GTF3C2: variants seen among roughly 807,000 people sequenced by gnomAD.
GTF3C2 encodes the protein general transcription factor IIIC subunit 2, also known as general transcription factor 3C polypeptide 2.
Under a neutral mutation model 117.4 loss-of-function variants are expected in GTF3C2, and 17 were observed. That is an observed-to-expected ratio of 0.14 (90% CI 0.10 to 0.22). The LOEUF (loss-of-function observed/expected upper bound fraction) is 0.22. Among genes scored for constraint, GTF3C2 ranks in the 10% least tolerant of loss-of-function variants. The pLI is 1.00. For synonymous variants in GTF3C2, 437 were observed against 427.0 expected, an observed-to-expected ratio of 1.02 and a Z score of -0.29; for missense variants, 888 against 1,143.6, an observed-to-expected ratio of 0.78 and a Z score of 3.22.
At chr2:27,327,776 C>T (rs1303162262) in intron 17 of GTF3C2, among the ~76,000 whole-genome samples, 2 of 152,002 alleles carry the variant, frequency 1.3e-5, no homozygotes, top group Admixed American at 1.3e-4. Flanking sequence ...TACAGGCACG[C>T]GCCACCACGC....
At position 27,329,339 on chromosome 2, in the gene GTF3C2, A is replaced by T. The variant is rs1680201504; in HGVS notation, c.1877+40T>A. The T allele has an allele frequency of 6.2e-7, 1 of 1,613,798 alleles. No individual in the cohort carries two copies. Among genetic ancestry groups the T allele is most frequent in the Admixed American group, 1.7e-5 (1 of 59,996 alleles). ...ACAAATCCGGAAGTCAGCCTGTCCC[A>T]GTCTTCACCTTCCCCCTCCACATAC... is the stretch of plus-strand genomic sequence containing the variant. On this transcript the variant is annotated intron_variant, in intron 13 of 18. Coordinates refer to ENST00000264720, the Ensembl canonical transcript of GTF3C2. This position sits in a 1 kb window ranked among gnomAD's most constrained non-coding sequence, Gnocchi z 4.5.
At chr2:27,334,646 T>TG (rs1680395435) in intron 10 of GTF3C2, among the ~76,000 whole-genome samples, 1 of 130,950 alleles carries the variant, frequency 7.6e-6, no homozygotes, top group Non-Finnish European at 1.7e-5. Context: ...CACAGCGAAA[T>TG]TTTTTTTTTT....
chr2:27,330,304 CA>C (rs1184443444), intron 12 of GTF3C2, among the ~76,000 whole-genome samples: 1 of 149,228 alleles, frequency 6.7e-6, no homozygotes, highest in African/African-American at 2.5e-5. Context: ...ACTAAAAATA[CA>C]AAAAAAAATT....
At chr2:27,353,416 T>C (rs1681208480) in intron 1 of GTF3C2, among the ~76,000 whole-genome samples, 1 of 151,218 alleles carries the variant, frequency 6.6e-6, no homozygotes, top group East Asian at 2.0e-4. Flanking sequence ...CAACCATCTA[T>C]GGTTCAACTT....
chr2:27,328,944 A>C lies in GTF3C2; in HGVS notation c.2040-13T>G. The stretch of plus-strand genomic sequence containing the variant: ...ACAGAGTCCATAACTGTTAAAAGAG[A>C]AATAAATTTAAACCTTCCTTTTCTT... On this transcript the variant is annotated splice_polypyrimidine_tract_variant and intron_variant, in intron 14 of 18. Transcript: ENST00000264720. The C allele has an allele frequency of 6.4e-7, 1 of 1,558,718 alleles. No homozygotes were observed. The highest frequency in any genetic ancestry group is 1.4e-5 in the African/African-American group (1 of 73,742).
rs573018561 is a variant in GTF3C2 at position 27,341,934 on chromosome 2, T to C, written c.855+14A>G. The stretch of plus-strand genomic sequence containing the variant: ...TACTATGTCCCCATTCACTTTCTTG[T>C]CCATTGAGGTTACCCCTGAAGTAGA... On this transcript the variant is annotated intron_variant, in intron 4 of 18. Transcript: ENST00000264720. 1.4e-5 allele frequency: 23 copies of C among 1,608,012 alleles called. No homozygotes were observed. The highest frequency in any genetic ancestry group is 6.7e-5 in the Admixed American group (4 of 59,778).
At chr2:27,343,359 G>C (rs145909275) in exon 2 of GTF3C2, 2 of 1,613,858 alleles carry the variant, frequency 1.2e-6, no homozygotes, top group Non-Finnish European at 8.5e-7. Context: ...AGCCTCCTCT[G>C]ATCAGGAGAA....
exon 19 of GTF3C2, chr2:27,326,610 G>A (rs1235261103): frequency 2.5e-6 from 3 of 1,214,730 alleles, no homozygotes; most frequent in Non-Finnish European, 2.4e-6. Flanking sequence ...AGTTCCTATG[G>A]CTCTGTGCAT....
Position 27,337,275 on chromosome 2 carries a change from G to A in GTF3C2, c.1096C>T (p.Pro366Ser), listed in dbSNP as rs369941156. 79 of 1,612,392 alleles carry A rather than the reference G, an allele frequency of 4.9e-5. No homozygotes were observed. The African/African-American group carries it at 5.6e-4, about 11-fold the overall frequency. The change falls in exon 7 of 19, where the codon CCT (proline) becomes TCT (serine). Residue 366 changes from proline to serine, a missense_variant. Coordinates refer to ENST00000264720, the Ensembl canonical transcript of GTF3C2. ...ATTCGGTAGAGGGTGCCATCTTCAG[G>A]TAGCCCTTCACGTTGTACAGAAAAC... is the stretch of plus-strand genomic sequence containing the variant.
Position 27,329,026 on chromosome 2 carries a change from A to ACTCTCTACCCTC in GTF3C2, c.2039+83_2039+94dup. 6.7e-7 allele frequency: 1 copy of ACTCTCTACCCTC among 1,489,264 alleles called. No homozygotes were observed. Among genetic ancestry groups the ACTCTCTACCCTC allele is most frequent in the Non-Finnish European group, 9.4e-7 (1 of 1,069,084 alleles). The allele number at this position is 1,489,264 out of a possible 1,614,324, so 92.3% of individuals were successfully genotyped here. Reference sequence around the variant, plus strand: ...GAATTTAAACCACCTCAGTGAACCAACTCTCTACCCTCCTCTCCCCACAAC... The same window carrying ACTCTCTACCCTC: ...GAATTTAAACCACCTCAGTGAACCAACTCTCTACCCTCCTCTCTACCCTCCTCTCCCCACAAC... On this transcript the variant is annotated intron_variant, in intron 14 of 18. Transcript: ENST00000264720. This position sits in a 1 kb window ranked among gnomAD's most constrained non-coding sequence, Gnocchi z 4.5.
rs1680190398 is a variant in GTF3C2, at chr2:27,329,054, T to C, written c.2039+67A>G. 2 of 1,543,406 alleles carry C rather than the reference T, an allele frequency of 1.3e-6. No individual in the cohort carries two copies. The highest frequency in any genetic ancestry group is 1.8e-6 in the Non-Finnish European group (2 of 1,116,526). On this transcript the variant is annotated intron_variant, in intron 14 of 18. Transcript: ENST00000264720. The surrounding 1 kb of genome is among the most constrained non-coding windows in gnomAD (Gnocchi z 4.5). The stretch of plus-strand genomic sequence containing the variant: ...CTCTACCCTCCTCTCCCCACAACAA[T>C]CTGGCATGCTTTGCATTCCAACCCT...
Position 27,343,131 on chromosome 2 carries a change from C to G in GTF3C2, c.264G>C (p.Met88Ile), listed in dbSNP as rs377215247. ...AGGCCCTAGGCTTTGAGACCTTTGA[C>G]ATCTCTGAAGAAAGATCTGTGGAGA... Residue 88 changes from methionine to isoleucine, a missense_variant, in exon 3 of 19, where the codon ATG becomes ATC. By Grantham distance (10) the Met-to-Ile change is conservative. This residue lies in a region of GTF3C2 where 393 missense variants were observed against 401.5 expected (regional missense o/e 0.98). Transcript: ENST00000264720. 1.9e-6 allele frequency: 3 copies of G among 1,579,016 alleles called. No homozygotes were observed. The African/African-American group carries it at 4.1e-5, about 22-fold the overall frequency.
chr2:27,337,137 A>C (rs527366282), intron 7 of GTF3C2, 107 bp downstream of exon 7: 29 of 676,680 alleles, frequency 4.3e-5, no homozygotes, highest in Middle Eastern at 3.6e-4. Flanking sequence ...GACCAACTGA[A>C]CCAGCATCAG....
intron 1 of GTF3C2, among the ~76,000 whole-genome samples, chr2:27,355,621 C>T (rs1266113101): frequency 6.6e-6 from 1 of 152,082 alleles, no homozygotes; most frequent in East Asian, 1.9e-4. Flanking sequence ...TAAATTCGTA[C>T]TGAGTTTCTA....
chr2:27,341,910 A>C (rs1417547920), intron 4 of GTF3C2, 38 bp downstream of exon 4: 1 of 1,568,154 alleles, frequency 6.4e-7, no homozygotes, highest in Non-Finnish European at 8.8e-7. Flanking sequence ...CTAAAATCCT[A>C]CTATGTCCCC....
rs750486387 is a variant in GTF3C2, at chr2:27,343,506, C to T, written c.49G>A (p.Val17Met). ...GAGTCTACCACAGTCATGTTCCCCA[C>T]GGGGCCGGCCTCCCCCAGGGCAACA... The change falls in exon 2 of 19, where the codon GTG (valine) becomes ATG (methionine). Residue 17 changes from valine to methionine, a missense_variant. Coordinates refer to ENST00000264720, the Ensembl canonical transcript of GTF3C2. The T allele has an allele frequency of 3.0e-5, 48 of 1,613,858 alleles. No individual in the cohort carries two copies. Among genetic ancestry groups the T allele is most frequent in the Non-Finnish European group, 3.7e-5 (44 of 1,179,832 alleles).
chr2:27,343,516 C>T lies in GTF3C2; in HGVS notation c.39G>A (p.Glu13=), dbSNP rs200652883. 16 of 1,613,980 alleles carry T rather than the reference C, an allele frequency of 9.9e-6. No homozygotes were observed. The East Asian group carries it at 3.1e-4, about 31-fold the overall frequency. The change falls in exon 2 of 19, where the codon GAG becomes GAA. Residue 13 remains glutamate (E), a synonymous_variant. Coordinates refer to ENST00000264720, the Ensembl canonical transcript of GTF3C2. ...CAGTCATGTTCCCCACGGGGCCGGC[C>T]TCCCCCAGGGCAACATAGCCGACCC...
chr2:27,344,809 CCTCAT>C (rs1298519888), intron 1 of GTF3C2, among the ~76,000 whole-genome samples: 1 of 151,164 alleles, frequency 6.6e-6, no homozygotes, highest in Admixed American at 6.6e-5. Flanking sequence ...CATAGGGAGA[CCTCAT>C]CTCTACAAAA....
chr2:27,354,055 T>TAAA (rs11399437), intron 1 of GTF3C2, among the ~76,000 whole-genome samples: 19 of 117,156 alleles, frequency 1.6e-4, no homozygotes, highest in African/African-American at 3.5e-4. Context: ...AGCAAAACAT[T>TAAA]AAAAAAAAAA....
Sources: gnomAD v4.1 joint callset for allele counts (sites outside exome capture counted in the v4.1 genomes callset) on GRCh38, gnomAD v4.1.1 for gene constraint, gnomAD v4.1.1 regional missense constraint, Gnocchi (gnomAD v3.1) non-coding constraint, MANE v1.5 for transcripts, NCBI Gene and HGNC (gene_info 2026-07-23, HGNC 2026-07-21) for gene names.